Variants in DNM1 observed in about 807,000 individuals in gnomAD.
DNM1 encodes dynamin-1.
Under a neutral mutation model 104.6 loss-of-function variants are expected in DNM1, and 29 were observed. The ratio of observed to expected loss-of-function variants is 0.28; its 90% CI spans 0.21 to 0.38. The LOEUF is 0.38. Among genes scored for constraint, DNM1 ranks in the 10% least tolerant of loss-of-function variants. The pLI is 1.00. For missense variants in DNM1, 640 were observed against 1,189.4 expected, an observed-to-expected ratio of 0.54 and a Z score of 6.79; for synonymous variants, 445 against 475.8, an observed-to-expected ratio of 0.94 and a Z score of 0.84.
chr9:128,203,977 C>A lies in DNM1; in HGVS notation c.161+346C>A, dbSNP rs1265204981. On this transcript the variant is annotated intron_variant, in intron 1 of 21. Coordinates refer to ENST00000372923, the MANE Select transcript of DNM1 (RefSeq NM_004408.4). This position sits in a 1 kb window ranked among gnomAD's most constrained non-coding sequence, Gnocchi z 5.3. ...CATGGAGAGAGCCCGCATTACTCAGCGTCTCCGTTGGGCTCCGGGAGTCCC... is the reference window on the plus strand; with the variant it reads ...CATGGAGAGAGCCCGCATTACTCAGAGTCTCCGTTGGGCTCCGGGAGTCCC... 2 of 163,178 alleles carry A rather than the reference C, an allele frequency of 1.2e-5. No homozygotes were observed. Among genetic ancestry groups the A allele is most frequent in the East Asian group, 1.7e-4 (1 of 5,788 alleles). 10.1% of individuals were successfully genotyped at this position (163,178 alleles called of 1,614,324 possible). A position where few individuals can be genotyped will look rare whatever the true frequency, so the allele number is the denominator to read the frequency against.
rs1554772209 is a variant in DNM1 at position 128,217,418 on chromosome 9, C to T, written c.162-813C>T. The stretch of plus-strand genomic sequence containing the variant: ...CTAAGAAGCATGAGTTTTTTTGTTT[C>T]TTTGTGGGTTTTTTTGAGGTGGAGT... On this transcript the variant is annotated intron_variant, in intron 1 of 21. Transcript: ENST00000372923. Among the ~76,000 whole-genome samples, 2 of 152,190 alleles carry T rather than the reference C, an allele frequency of 1.3e-5. 1 individual carries two copies. The highest frequency in any genetic ancestry group is 6.8e-3 in the Middle Eastern group (2 of 294).
rs998948259 is a variant in DNM1, at chr9:128,245,135, C to G, written c.1672-1259C>G. On this transcript the variant is annotated intron_variant, in intron 15 of 21. Transcript: ENST00000372923. This position sits in a 1 kb window ranked among gnomAD's most constrained non-coding sequence, Gnocchi z 5.2. ...GGGCGGGTGGTGGCGGGGCCTCTCTCGAACGGTTCCAGATGTTCCCTGGCC... is the reference window on the plus strand; with the variant it reads ...GGGCGGGTGGTGGCGGGGCCTCTCTGGAACGGTTCCAGATGTTCCCTGGCC... The G allele has an allele frequency of 9.3e-6, 2 of 215,752 alleles. No homozygotes were observed. Among genetic ancestry groups the G allele is most frequent in the Non-Finnish European group, 1.9e-5 (2 of 102,804 alleles). The allele number at this position is 215,752 out of a possible 1,614,324, so 13.4% of individuals were successfully genotyped here.
At chr9:128,246,338 A>G in intron 15 of DNM1, 56 bp from the exon 16 acceptor site, 1 of 1,180,878 alleles carries the variant, frequency 8.5e-7, no homozygotes, top group Non-Finnish European at 1.3e-6. Context: ...TTAGAGAGTG[A>G]GGTGTGGCAG....
rs1314693108 is a variant in DNM1, at chr9:128,254,162, C to T, written c.2535-492C>T. On this transcript the variant is annotated intron_variant, in intron 21 of 21. Transcript: ENST00000372923. This position sits in a 1 kb window ranked among gnomAD's most constrained non-coding sequence, Gnocchi z 6.1. Reference sequence around the variant, plus strand: ...GAGGGTCCTGGGTTTTCTGAACACCCAGAGGGGCCTCCGGCGCTCCCTCCA... The same window carrying T: ...GAGGGTCCTGGGTTTTCTGAACACCTAGAGGGGCCTCCGGCGCTCCCTCCA... 1.7e-5 allele frequency: 22 copies of T among 1,310,112 alleles called. No homozygotes were observed. Among genetic ancestry groups the T allele is most frequent in the African/African-American group, 1.4e-4 (9 of 64,996 alleles). 81.2% of individuals were successfully genotyped at this position (1,310,112 alleles called of 1,614,324 possible).
At position 128,250,838 on chromosome 9, in the gene DNM1, G is replaced by T. The variant is rs2131299605; in HGVS notation, c.2432G>T (p.Gly811Val). ...GPPPAGSALG[G>V]APPVPSRPGA... is the part of the protein sequence containing the mutation. ...CCGCCTGCTGGGTCCGCCCTGGGGGGGGCGCCCCCCGTGCCCTCCAGGCCG... is the reference window on the plus strand; with the variant it reads ...CCGCCTGCTGGGTCCGCCCTGGGGGTGGCGCCCCCCGTGCCCTCCAGGCCG... Residue 811 changes from glycine to valine, a missense_variant, in exon 21 of 22, where the codon GGG becomes GTG. This residue lies in a region of DNM1 where 129 missense variants were observed against 224.6 expected (regional missense o/e 0.57). Transcript: ENST00000372923. 1.0e-5 allele frequency: 13 copies of T among 1,306,360 alleles called. No individual in the cohort carries two copies. The highest frequency in any genetic ancestry group is 1.5e-5 in the African/African-American group (1 of 64,774). The allele number at this position is 1,306,360 out of a possible 1,614,324, so 80.9% of individuals were successfully genotyped here.
At chr9:128,210,017 GT>G (rs1026098552) in intron 1 of DNM1, among the ~76,000 whole-genome samples, 1 of 151,980 alleles carries the variant, frequency 6.6e-6, no homozygotes, top group Non-Finnish European at 1.5e-5. Context: ...ATCATTCCAA[GT>G]TTTTGTTTTG....
intron 1 of DNM1, among the ~76,000 whole-genome samples, chr9:128,213,828 C>G (rs111653723): frequency 6.6e-6 from 1 of 152,144 alleles, no homozygotes; most frequent in Admixed American, 6.5e-5. Context: ...TCCCTGCTCC[C>G]GGGGCCATCA....
chr9:128,239,909 C>T (rs1836259724), intron 13 of DNM1, 76 bp from the exon 14 acceptor site: 3 of 1,596,052 alleles, frequency 1.9e-6, no homozygotes, highest in Non-Finnish European at 1.7e-6. Context: ...AGCCACAAGC[C>T]TCCCACTCTG....
intron 10 of DNM1, among the ~76,000 whole-genome samples, chr9:128,227,730 G>A (rs574648786): frequency 6.6e-6 from 1 of 152,114 alleles, no homozygotes. Context: ...TAGAAATGTG[G>A]CATGATTTAT....
At position 128,248,810 on chromosome 9, in the gene DNM1, G is replaced by A; in HGVS notation, c.2076+57G>A. The stretch of plus-strand genomic sequence containing the variant: ...TCCTGTGGCACTGGGGATGCAGGTG[G>A]CCATGTTGGCCTGGGGGAGATGCCA... On this transcript the variant is annotated intron_variant, in intron 19 of 21. Transcript: ENST00000372923. The surrounding 1 kb of genome is among the most constrained non-coding windows in gnomAD (Gnocchi z 5.6). The A allele has an allele frequency of 1.3e-6, 2 of 1,576,970 alleles. No homozygotes were observed. The highest frequency in any genetic ancestry group is 1.7e-6 in the Non-Finnish European group (2 of 1,153,790).
intron 10 of DNM1, chr9:128,233,555 C>G (rs1184665662): frequency 1.2e-5 from 2 of 164,290 alleles, no homozygotes; most frequent in Non-Finnish European, 2.7e-5. Context: ...CCCCCGATTC[C>G]TCCTGGATAG....
In DNM1 at chr9:128,234,058, G is replaced by C; in HGVS notation, c.1373G>C (p.Arg458Pro). The C allele has an allele frequency of 6.3e-7, 1 of 1,578,888 alleles. No homozygotes were observed. Among genetic ancestry groups the C allele is most frequent in the Non-Finnish European group, 8.6e-7 (1 of 1,163,160 alleles). The change falls in exon 11 of 22, where the codon CGC (arginine) becomes CCC (proline). Residue 458 changes from arginine (R) to proline (P), a missense_variant. Arg to Pro is a moderately radical substitution (Grantham distance 103, BLOSUM62 -2). Around this residue, in one of 7 missense-constraint regions of DNM1, gnomAD observed 92 missense variants for 124.4 expected, o/e 0.74. Transcript: ENST00000372923. ...QYPRLREEME[R>P]IVTTHIRERE... ...CCGCGGCTACGGGAGGAGATGGAGC[G>C]CATCGTGACCACCCACATCCGGGAG...
chr9:128,251,076 C>T, intron 21 of DNM1, 136 bp downstream of exon 21: 1 of 690,304 alleles, frequency 1.4e-6, no homozygotes, highest in South Asian at 1.6e-5. Context: ...ACTCTGGGTG[C>T]CGGAGCCACG....
At chr9:128,223,717 T>G (rs1835157702) in intron 9 of DNM1, 1 of 152,392 alleles carries the variant, frequency 6.6e-6, no homozygotes, top group Non-Finnish European at 1.5e-5. Context: ...AAGCAGGACT[T>G]ACATATCAGA....
chr9:128,235,001 C>T (rs1460580434), intron 11 of DNM1: 2 of 151,726 alleles, frequency 1.3e-5, no homozygotes, highest in Admixed American at 6.6e-5. Flanking sequence ...CCATGTTGAA[C>T]AGGCTGTTCT....
chr9:128,219,628 C>A lies in DNM1; in HGVS notation c.590-360C>A, dbSNP rs142840045. Among the ~76,000 whole-genome samples the A allele has an allele frequency of 5.0e-3, 766 of 152,006 alleles. 1 individual carries two copies. The highest frequency in any genetic ancestry group is 9.4e-3 in the Non-Finnish European group (637 of 68,004). The stretch of plus-strand genomic sequence containing the variant: ...AGGCTGCAGTGAGCCCTACTCGCAC[C>A]ACTGCAGTCCAGCATGGGCAAGAGT... On this transcript the variant is annotated intron_variant, in intron 4 of 21. Transcript: ENST00000372923.
Position 128,218,463 on chromosome 9 carries a change from G to C in DNM1, c.236-119G>C. The C allele has an allele frequency of 7.1e-7, 1 of 1,401,142 alleles. No homozygotes were observed. Among genetic ancestry groups the C allele is most frequent in the Non-Finnish European group, 1.0e-6 (1 of 997,944 alleles). 86.8% of individuals were successfully genotyped at this position (1,401,142 alleles called of 1,614,324 possible). A position where few individuals can be genotyped will look rare whatever the true frequency, so the allele number is the denominator to read the frequency against. On this transcript the variant is annotated intron_variant, in intron 2 of 21. Coordinates refer to ENST00000372923, the MANE Select transcript of DNM1 (RefSeq NM_004408.4). This position sits in a 1 kb window ranked among gnomAD's most constrained non-coding sequence, Gnocchi z 4.8. ...GATCAAAATACATAATGGAGACGTG[G>C]GTGGTGGTTCTGCTTGGGTGTGTCT...
rs1239426855 is a variant in DNM1 at position 128,247,311 on chromosome 9, C to T, written c.1782-64C>T. Reference sequence around the variant, plus strand: ...ATGTTGACCCCAAAGTCTGGGCATGCCCTTAACCCCCAGGGAGGGTCAGAC... The same window carrying T: ...ATGTTGACCCCAAAGTCTGGGCATGTCCTTAACCCCCAGGGAGGGTCAGAC... On this transcript the variant is annotated intron_variant, in intron 16 of 21. Coordinates refer to ENST00000372923, the MANE Select transcript of DNM1 (RefSeq NM_004408.4). This position sits in a 1 kb window ranked among gnomAD's most constrained non-coding sequence, Gnocchi z 5.1. 1 of 1,177,804 alleles carries T rather than the reference C, an allele frequency of 8.5e-7. No individual in the cohort carries two copies. The highest frequency in any genetic ancestry group is 1.2e-6 in the Non-Finnish European group (1 of 811,270). 73.0% of individuals were successfully genotyped at this position (1,177,804 alleles called of 1,614,324 possible). A position where few individuals can be genotyped will look rare whatever the true frequency, so the allele number is the denominator to read the frequency against.
At chr9:128,206,249 G>A (rs954830922) in intron 1 of DNM1, among the ~76,000 whole-genome samples, 19 of 152,180 alleles carry the variant, frequency 1.2e-4, no homozygotes, top group African/African-American at 4.3e-4. Context: ...GCCCACCCGG[G>A]CTTCTGGGTG....
Sources: gnomAD v4.1 joint callset for allele counts (sites outside exome capture counted in the v4.1 genomes callset) on GRCh38, gnomAD v4.1.1 for gene constraint, gnomAD v4.1.1 regional missense constraint, Gnocchi (gnomAD v3.1) non-coding constraint, MANE v1.5 for transcripts, NCBI Gene and HGNC (gene_info 2026-07-23, HGNC 2026-07-21) for gene names.